The following ART3 variants were observed in gnomAD, a reference collection of about 807,000 sequenced individuals.
ART3 encodes the protein ADP-ribosyltransferase 3 (inactive), also known as ecto-ADP-ribosyltransferase 3.
ART3 carries 49 observed loss-of-function variants against 48.5 expected under a neutral mutation model. The ratio of observed to expected loss-of-function variants is 1.01; its 90% CI spans 0.80 to 1.28. The LOEUF is 1.28. Among genes scored for constraint, ART3 ranks in the 50% most tolerant of loss-of-function variants. ART3 has a pLI of 0.00. For synonymous variants in ART3, 145 were observed against 157.2 expected, an observed-to-expected ratio of 0.92 and a Z score of 0.58; for missense variants, 438 against 454.3, an observed-to-expected ratio of 0.96 and a Z score of 0.33.
At chr4:76,029,930 C>A (rs912979643) in intron 1 of ART3, among the ~76,000 whole-genome samples, 1 of 152,218 alleles carries the variant, frequency 6.6e-6, no homozygotes, top group African/African-American at 2.4e-5. Flanking sequence ...CCCCTCATAT[C>A]CCTATTTCTG....
intron 1 of ART3, among the ~76,000 whole-genome samples, chr4:76,050,933 G>C (rs574306460): frequency 6.6e-6 from 1 of 152,218 alleles, no homozygotes; most frequent in Non-Finnish European, 1.5e-5. Flanking sequence ...GGCCGGCAGG[G>C]CCGGCGGGCT....
intron 10 of ART3, chr4:76,105,969 A>G (rs1238186159): frequency 5.1e-6 from 5 of 985,332 alleles, no homozygotes; most frequent in African/African-American, 1.7e-5. Flanking sequence ...ATCGTCCAGT[A>G]GGCCACTAGA....
At chr4:76,107,907 C>T (rs1248074792) in intron 11 of ART3, 114 bp downstream of exon 11, 1 of 800,624 alleles carries the variant, frequency 1.2e-6, no homozygotes, top group Admixed American at 3.0e-5. Context: ...TTTAAGGCAT[C>T]TTAATAACAG....
At chr4:76,110,162 T>C (rs1447298995) in intron 11 of ART3, among the ~76,000 whole-genome samples, 1 of 152,208 alleles carries the variant, frequency 6.6e-6, no homozygotes, top group Non-Finnish European at 1.5e-5. Context: ...AATGCAGCTA[T>C]AGTTAGCCCT....
chr4:76,077,054 C>T (rs1721259362), intron 2 of ART3, among the ~76,000 whole-genome samples: 1 of 152,054 alleles, frequency 6.6e-6, no homozygotes, highest in African/African-American at 2.4e-5. Flanking sequence ...TAAAAATTCA[C>T]CATTTTTAGC....
At chr4:76,035,992 GT>G (rs767775467) in intron 1 of ART3, 17 of 1,613,444 alleles carry the variant, frequency 1.1e-5, no homozygotes, top group Non-Finnish European at 1.4e-5. Flanking sequence ...ACTCATGTTT[GT>G]TTTTTGCTGT....
upstream of ART3, among the ~76,000 whole-genome samples, chr4:76,070,505 G>A (rs1035396905): frequency 6.6e-5 from 10 of 152,136 alleles, no homozygotes; most frequent in Non-Finnish European, 1.2e-4. Context: ...TCTTTTGCCC[G>A]TAATCATTCA....
intron 2 of ART3, among the ~76,000 whole-genome samples, chr4:76,077,663 C>T (rs1436116538): frequency 2.0e-5 from 3 of 152,130 alleles, no homozygotes; most frequent in Non-Finnish European, 4.4e-5. Context: ...ATTTATGATT[C>T]ATAGCAAAAT....
intron 1 of ART3, among the ~76,000 whole-genome samples, chr4:76,054,927 TTC>T (rs1397027316): frequency 6.6e-6 from 1 of 152,208 alleles, no homozygotes; most frequent in Non-Finnish European, 1.5e-5. Context: ...AATAAAACAT[TTC>T]TGTCAATTTT....
intron 1 of ART3, among the ~76,000 whole-genome samples, chr4:76,056,520 G>A (rs1458219047): frequency 1.3e-5 from 2 of 152,156 alleles, no homozygotes; most frequent in African/African-American, 4.8e-5. Context: ...TTTAGAGTAA[G>A]GGGGCAGCGG....
chr4:76,112,531 G>A lies in ART3; in HGVS notation c.*12G>A, dbSNP rs1313242911. The A allele has an allele frequency of 1.9e-6, 3 of 1,605,688 alleles. No individual in the cohort carries two copies. The South Asian group carries it at 3.3e-5, about 18-fold the overall frequency. On this transcript the variant is annotated 3_prime_UTR_variant, in exon 12 of 12. Coordinates refer to ENST00000355810, the MANE Select transcript of ART3 (RefSeq NM_001130016.3). ...TTGTTGCTCTGTAGTTTGATGCATT[G>A]TTTATCTTTCTTATTCTTTACTTGA...
rs143415883 is a variant in ART3 at position 76,057,598 on chromosome 4, CT to C, written c.-9-18279del. Among the ~76,000 whole-genome samples the C allele has an allele frequency of 4.2e-3, 635 of 152,300 alleles. 23 individuals are homozygous for C. Among genetic ancestry groups the C allele is most frequent in the East Asian group, 0.042 (216 of 5,192 alleles). On this transcript the variant is annotated intron_variant, in intron 1 of 9. Coordinates refer to the ART3 transcript ENST00000341029. ...TACTCTGCATCTATTAACTCTGGCT[CT>C]TTTCAACAACCCTGTGAGGGGAACT...
intron 1 of ART3, among the ~76,000 whole-genome samples, chr4:76,044,574 A>G (rs1419498651): frequency 2.0e-5 from 3 of 151,700 alleles, no homozygotes; most frequent in African/African-American, 7.3e-5. Context: ...TACTACTTCC[A>G]TCTCTTTCTT....
At chr4:76,103,806 G>GTTTCTTT (rs1414649541) in intron 8 of ART3, 131 bp from the exon 9 acceptor site, 1 of 784,910 alleles carries the variant, frequency 1.3e-6, no homozygotes. Context: ...TGTTGTTGCT[G>GTTTCTTT]TTTCTTTTTT....
In ART3 at chr4:76,025,742, C is replaced by G. The variant is rs1010690335; in HGVS notation, c.-10+14422C>G. 5.3e-5 allele frequency among the ~76,000 whole-genome samples: 8 copies of G among 152,168 alleles called. No individual in the cohort carries two copies. The East Asian group carries it at 1.3e-3, about 26-fold the overall frequency. ...AGTTGCATGAATTAGTAATTTGTTT[C>G]TCTTTATTGATGGGTAGTAATCCAT... On this transcript the variant is annotated intron_variant, in intron 1 of 9. Transcript: ENST00000341029.
chr4:76,103,378 A>C (rs1322675200), intron 8 of ART3, among the ~76,000 whole-genome samples: 1 of 152,074 alleles, frequency 6.6e-6, no homozygotes, highest in Non-Finnish European at 1.5e-5. Context: ...AAGAAAAAAA[A>C]ATATTACTGA....
intron 6 of ART3, 97 bp from the exon 7 acceptor site, chr4:76,100,698 T>C (rs1014582799): frequency 4.6e-5 from 64 of 1,394,574 alleles, no homozygotes; most frequent in Non-Finnish European, 6.4e-5. Flanking sequence ...GGTGGGAATA[T>C]TTTCATATTT....
chr4:76,082,267 A>G lies in ART3; in HGVS notation c.513A>G (p.Thr171=), dbSNP rs1722653648. The stretch of plus-strand genomic sequence containing the variant: ...GAACAAGCCAGGGCACTTCATTTAC[A>G]TTTGGAGGGCTAAACCAAGCCAGGT... The part of the protein sequence containing the change: ...VYRTSQGTSF[T]FGGLNQARFG... The change falls in exon 3 of 12, where the codon ACA becomes ACG. Residue 171 remains threonine (T), a synonymous_variant. Coordinates refer to ENST00000355810, the MANE Select transcript of ART3 (RefSeq NM_001130016.3). The G allele has an allele frequency of 6.2e-7, 1 of 1,614,178 alleles. No homozygotes were observed. The highest frequency in any genetic ancestry group is 1.7e-5 in the Admixed American group (1 of 60,014).
At chr4:76,101,497 G>T (rs1185514047) in intron 8 of ART3, among the ~76,000 whole-genome samples, 3 of 152,216 alleles carry the variant, frequency 2.0e-5, no homozygotes, top group Non-Finnish European at 2.9e-5. Flanking sequence ...GCCGGGCGGG[G>T]TGGCTCACGC....
Sources: allele counts gnomAD v4.1 joint callset (sites outside exome capture counted in the v4.1 genomes callset), GRCh38; gene constraint gnomAD v4.1.1; transcripts MANE v1.5; gene names NCBI Gene and HGNC (gene_info 2026-07-23, HGNC 2026-07-21).